Variants in TRIM2 observed in about 807,000 individuals in gnomAD.
TRIM2 encodes tripartite motif containing 2, also known as tripartite motif-containing protein 2.
A neutral mutation model predicts 75.2 loss-of-function variants in TRIM2; 20 were observed. The observed-to-expected ratio is 0.27, with a 90% confidence interval of 0.19 to 0.39. TRIM2 has a LOEUF of 0.39. TRIM2 is among the 10% of genes least tolerant of loss of function. The pLI is 1.00. For missense variants in TRIM2, 660 were observed against 990.8 expected (o/e 0.67, Z 4.48); for synonymous variants, 373 against 388.3 (o/e 0.96, Z 0.46).
At chr4:153,272,616 A>G (rs1756983865) in intron 2 of TRIM2, among the ~76,000 whole-genome samples, 1 of 150,406 alleles carries the variant, frequency 6.6e-6, no homozygotes, top group African/African-American at 2.5e-5. Flanking sequence ...CTTCTTGAGT[A>G]GTTGGGACCA....
chr4:153,241,832 G>C (rs560956354), intron 1 of TRIM2, among the ~76,000 whole-genome samples: 1 of 152,216 alleles, frequency 6.6e-6, no homozygotes, highest in South Asian at 2.1e-4. Context: ...GAGGCCACAC[G>C]TATGCCGGAT....
chr4:153,246,837 G>A (rs368455914), intron 1 of TRIM2, among the ~76,000 whole-genome samples: 2 of 152,144 alleles, frequency 1.3e-5, no homozygotes, highest in South Asian at 4.1e-4. Context: ...CATTCCATCT[G>A]CTGCTGCTTG....
chr4:153,260,724 A>AT (rs1553981982), intron 1 of TRIM2, among the ~76,000 whole-genome samples: 7 of 112,650 alleles, frequency 6.2e-5, no homozygotes, highest in East Asian at 3.2e-4. Flanking sequence ...ACACACACAC[A>AT]CATCATCATC....
upstream of TRIM2, among the ~76,000 whole-genome samples, chr4:153,203,393 C>T (rs1160613638): frequency 8.2e-6 from 1 of 121,274 alleles, no homozygotes; most frequent in African/African-American, 4.3e-5. Context: ...ACCCACATCT[C>T]TACACACACA....
At chr4:153,307,993 T>C in intron 6 of TRIM2, 1 of 761,530 alleles carries the variant, frequency 1.3e-6, no homozygotes, top group Non-Finnish European at 2.5e-6. Flanking sequence ...TGGACCAGGT[T>C]CAGGAAAGAA....
Position 153,204,576 on chromosome 4 carries a change from A to C in TRIM2, c.30+16A>C, listed in dbSNP as rs201166147. 4.1e-5 allele frequency: 63 copies of C among 1,551,544 alleles called. No homozygotes were observed. The Middle Eastern group carries it at 3.5e-3, about 86-fold the overall frequency. ...TGGAACGCAGGTAAGGACGCTTCTC[A>C]ATGTGGGATAATTCTTTTTCTGGGC... On this transcript the variant is annotated intron_variant, in intron 1 of 11. Transcript: ENST00000338700.
chr4:153,279,182 T>C lies in TRIM2; in HGVS notation c.453+3052T>C, dbSNP rs186625461. Among the ~76,000 whole-genome samples the C allele has an allele frequency of 4.7e-3, 722 of 152,276 alleles. 21 individuals carry two copies. The highest frequency in any genetic ancestry group is 1.5e-3 in the Non-Finnish European group (99 of 68,030). ...GGAACTAGAATGGCATCAATGGGCC[T>C]GGGGAAGACAGCGTGAATTTCAGAG... On this transcript the variant is annotated intron_variant, in intron 3 of 11. Coordinates refer to ENST00000338700, the MANE Select transcript of TRIM2 (RefSeq NM_015271.5).
At chr4:153,326,979 C>CAAAA (rs10718802) in intron 10 of TRIM2, among the ~76,000 whole-genome samples, 22 of 98,780 alleles carry the variant, frequency 2.2e-4, no homozygotes, top group Middle Eastern at 5.0e-3. Flanking sequence ...GACTCCATCT[C>CAAAA]AAAAAAAAAA....
chr4:153,275,929 C>G lies in TRIM2; in HGVS notation c.252C>G (p.Thr84=), dbSNP rs768455028. Residue 84 remains threonine, a synonymous_variant, in exon 3 of 12, where the codon ACC becomes ACG. Transcript: ENST00000338700. ...LQNYIPAHSL[T]LSCPVCRQTS... ...ACTACATTCCTGCCCACAGTTTAAC[C>G]CTCTCCTGCCCAGTGTGCCGCCAGA... 7 of 1,614,166 alleles carry G rather than the reference C, an allele frequency of 4.3e-6. No individual in the cohort carries two copies. In the South Asian group the frequency reaches 7.7e-5, roughly 18 times the overall value.
At chr4:153,211,915 A>G (rs1387878796) in intron 1 of TRIM2, among the ~76,000 whole-genome samples, 1 of 152,194 alleles carries the variant, frequency 6.6e-6, no homozygotes, top group African/African-American at 2.4e-5. Context: ...TAAATCTGTG[A>G]GAAGGCTGTC....
Position 153,272,829 on chromosome 4 carries a change from T to TTTTG in TRIM2, c.215+2334_215+2337dup, listed in dbSNP as rs72266656. Among the ~76,000 whole-genome samples, 184 of 151,570 alleles carry TTTTG rather than the reference T, an allele frequency of 1.2e-3. 1 individual carries two copies. The highest frequency in any genetic ancestry group is 2.1e-3 in the East Asian group (11 of 5,160). Reference sequence around the variant, plus strand: ...TGGCAACTTTCCTTAAAATGGGGTTTTTTGTTTGTTTGTTTGTTTGTTTGT... The same window carrying TTTTG: ...TGGCAACTTTCCTTAAAATGGGGTTTTTTGTTTGTTTGTTTGTTTGTTTGTTTGT... On this transcript the variant is annotated intron_variant, in intron 2 of 11. Coordinates refer to ENST00000338700, the MANE Select transcript of TRIM2 (RefSeq NM_015271.5).
chr4:153,177,835 C>T (rs897495132), intron 1 of TRIM2, among the ~76,000 whole-genome samples: 8 of 151,278 alleles, frequency 5.3e-5, no homozygotes, highest in Non-Finnish European at 8.8e-5. Context: ...GAGTCTCGAT[C>T]TTGTCACCCA....
intron 1 of TRIM2, among the ~76,000 whole-genome samples, chr4:153,228,367 T>C (rs143921938): frequency 2.0e-5 from 3 of 152,248 alleles, no homozygotes; most frequent in African/African-American, 7.2e-5. Flanking sequence ...ATGGCTAAGA[T>C]GAGCTGTCCT....
At chr4:153,272,481 A>T (rs28495378) in intron 2 of TRIM2, among the ~76,000 whole-genome samples, 43,924 of 148,584 alleles carry the variant, frequency 0.3, 9,095 homozygotes, top group African/African-American at 0.6. Context: ...TATTTTATTA[A>T]TTATTTATTA....
chr4:153,181,747 GGGCAGGT>G (rs1185669459), intron 1 of TRIM2, among the ~76,000 whole-genome samples: 1 of 152,142 alleles, frequency 6.6e-6, no homozygotes, highest in Non-Finnish European at 1.5e-5. Context: ...GGCTGGAGGT[GGGCAGGT>G]GAAAGGCATC....
At chr4:153,316,989 T>TC (rs1767780694) in intron 8 of TRIM2, among the ~76,000 whole-genome samples, 1 of 143,022 alleles carries the variant, frequency 7.0e-6, no homozygotes, top group Admixed American at 7.3e-5. Context: ...CACGCCATTC[T>TC]CCTGCCTCAG....
Position 153,248,285 on chromosome 4 carries a change from C to T in TRIM2, c.31-22050C>T, listed in dbSNP as rs941042591. ...TGCTGAGATTACAGGCGTGAGCCAC[C>T]GCACCCGGCCTAGATCAGGTTCTTT... is the stretch of plus-strand genomic sequence containing the variant. On this transcript the variant is annotated intron_variant, in intron 1 of 11. Coordinates refer to ENST00000338700, the MANE Select transcript of TRIM2 (RefSeq NM_015271.5). This position sits in a 1 kb window ranked among gnomAD's most constrained non-coding sequence, Gnocchi z 4.0. Among the ~76,000 whole-genome samples the T allele has an allele frequency of 6.6e-6, 1 of 152,158 alleles. No homozygotes were observed. The highest frequency in any genetic ancestry group is 6.5e-5 in the Admixed American group (1 of 15,278).
At chr4:153,154,893 A>G (rs1007656257) in intron 1 of TRIM2, among the ~76,000 whole-genome samples, 3 of 152,170 alleles carry the variant, frequency 2.0e-5, no homozygotes, top group African/African-American at 7.2e-5. Flanking sequence ...TATTCCCAGC[A>G]CTTTGGGAGG....
rs576447107 is a variant in TRIM2 at position 153,244,574 on chromosome 4, T to G, written c.31-25761T>G. ...CTGCACCTAGCAACACATAGTTTTT[T>G]GAAGATGTACAAAAATTTGATTCTT... is the stretch of plus-strand genomic sequence containing the variant. On this transcript the variant is annotated intron_variant, in intron 1 of 11. Coordinates refer to ENST00000338700, the MANE Select transcript of TRIM2 (RefSeq NM_015271.5). 8.6e-5 allele frequency among the ~76,000 whole-genome samples: 13 copies of G among 150,806 alleles called. No homozygotes were observed. The South Asian group carries it at 2.7e-3, about 32-fold the overall frequency.
Sources: allele counts gnomAD v4.1 joint callset (sites outside exome capture counted in the v4.1 genomes callset), GRCh38; gene constraint gnomAD v4.1.1; non-coding constraint Gnocchi (gnomAD v3.1); transcripts MANE v1.5; gene names NCBI Gene and HGNC (gene_info 2026-07-23, HGNC 2026-07-21).